USP6: variants seen among roughly 807,000 people sequenced by gnomAD.
USP6 encodes the protein ubiquitin carboxyl-terminal hydrolase 6.
Under a neutral mutation model 175.7 loss-of-function variants are expected in USP6, and 128 were observed. The ratio of observed to expected loss-of-function variants is 0.73; its 90% CI spans 0.63 to 0.84. The LOEUF is 0.84. USP6 is among the 40% of genes least tolerant of loss of function. USP6 has a pLI of 0.00. For missense variants in USP6, 1,498 were observed against 1,760.3 expected (o/e 0.85, Z 2.67); for synonymous variants, 562 against 630.6 (o/e 0.89, Z 1.63).
chr17:5,159,005 T>C (rs989898712), intron 31 of USP6, among the ~76,000 whole-genome samples: 4 of 152,206 alleles, frequency 2.6e-5, no homozygotes, highest in African/African-American at 9.7e-5. Context: ...GTGTAAAGAA[T>C]ACATGGGGTA....
intron 31 of USP6, among the ~76,000 whole-genome samples, chr17:5,158,864 G>A (rs2073950388): frequency 6.6e-6 from 1 of 152,160 alleles, no homozygotes; most frequent in South Asian, 2.1e-4. Context: ...ATTGGAGTGG[G>A]TTAAAGACAG....
rs2073234833 is a variant in USP6 at position 5,135,797 on chromosome 17, G to T, written c.544-11G>T. 6.3e-7 allele frequency: 1 copy of T among 1,597,728 alleles called. No individual in the cohort carries two copies. The highest frequency in any genetic ancestry group is 1.3e-5 in the African/African-American group (1 of 74,986). On this transcript the variant is annotated splice_polypyrimidine_tract_variant and intron_variant, in intron 16 of 37. Coordinates refer to ENST00000574788, the MANE Select transcript of USP6 (RefSeq NM_001304284.2). The stretch of plus-strand genomic sequence containing the variant: ...GGTGATGTCCTTCCATGGTGACTCT[G>T]GCTCTTGCAGGAGGTGGGCTACTGC...
intron 5 of USP6, among the ~76,000 whole-genome samples, 159 bp from the exon 6 acceptor site, chr17:5,125,662 G>GCA (rs111782891): frequency 7.0e-5 from 9 of 129,008 alleles, no homozygotes; most frequent in Admixed American, 1.5e-4. Context: ...ACACAAACAC[G>GCA]CACACACACG....
At chr17:5,123,885 G>A (rs570218538) in intron 4 of USP6, among the ~76,000 whole-genome samples, 5 of 151,032 alleles carry the variant, frequency 3.3e-5, no homozygotes, top group East Asian at 3.9e-4. Context: ...ATGCATGCTC[G>A]CGCGCAAGCA....
chr17:5,123,921 A>G (rs572260174), intron 4 of USP6, among the ~76,000 whole-genome samples: 66 of 99,684 alleles, frequency 6.6e-4, no homozygotes, highest in South Asian at 2.2e-3. Context: ...ACACACACGC[A>G]CACACACACA....
At chr17:5,129,252 C>G (rs1436094005) in intron 8 of USP6, 119 bp downstream of exon 8, 2 of 152,312 alleles carry the variant, frequency 1.3e-5, no homozygotes, top group African/African-American at 4.8e-5. Context: ...CCTGAGACCT[C>G]CCTGCTCTAG....
chr17:5,168,972 C>G lies in USP6; in HGVS notation c.3434C>G (p.Ala1145Gly). The change falls in exon 35 of 38, where the codon GCG (alanine) becomes GGG (glycine). Residue 1145 changes from alanine to glycine, a missense_variant. Physicochemically the swap from Ala to Gly is moderately conservative, Grantham distance 60. This residue lies in a region of USP6 where 1,217 missense variants were observed against 1,500.8 expected (regional missense o/e 0.81). Coordinates refer to ENST00000574788, the MANE Select transcript of USP6 (RefSeq NM_001304284.2). ...GCAAGAGAGGTGAAGAAAGTGGATG[C>G]GCAGAGTTCGGCTGGAAAAGAGGAC... The part of the protein sequence containing the change: ...ILAREVKKVD[A>G]QSSAGKEDML... The G allele has an allele frequency of 6.2e-7, 1 of 1,613,936 alleles. No homozygotes were observed. The highest frequency in any genetic ancestry group is 8.5e-7 in the Non-Finnish European group (1 of 1,179,860).
At chr17:5,172,622 C>T (rs1375759832) in intron 37 of USP6, among the ~76,000 whole-genome samples, 183 bp from the exon 38 acceptor site, 1 of 152,106 alleles carries the variant, frequency 6.6e-6, no homozygotes, top group Admixed American at 6.5e-5. Flanking sequence ...ATATTTTCCC[C>T]AAAGCAAACA....
At chr17:5,136,798 GGGGACTGGAGTCCCTTGT>G in intron 18 of USP6, 64 bp downstream of exon 18, 1 of 1,587,644 alleles carries the variant, frequency 6.3e-7, no homozygotes, top group East Asian at 2.2e-5. Flanking sequence ...GTAGGAGCAG[GGGGACTGGAGTCCCTTGT>G]GGGACTGGTG....
intron 25 of USP6, among the ~76,000 whole-genome samples, chr17:5,143,752 A>G (rs958430816): frequency 7.3e-6 from 1 of 136,280 alleles, no homozygotes; most frequent in Non-Finnish European, 1.6e-5. Flanking sequence ...AATGATCAAT[A>G]AAAAAAAAAA....
At chr17:5,157,590 G>A (rs1366403835) in intron 31 of USP6, among the ~76,000 whole-genome samples, 1 of 152,136 alleles carries the variant, frequency 6.6e-6, no homozygotes, top group African/African-American at 2.4e-5. Flanking sequence ...TAATGAATTG[G>A]ATGTGGAGTA....
rs768563976 is a variant in USP6, at chr17:5,155,445, G to T, written c.2667G>T (p.Leu889=). The T allele has an allele frequency of 2.5e-6, 4 of 1,613,902 alleles. No individual in the cohort carries two copies. In the African/African-American group the frequency reaches 5.3e-5, roughly 22 times the overall value. The change falls in exon 31 of 38, where the codon CTG becomes CTT. Residue 889 remains leucine (L), a synonymous_variant. Coordinates refer to ENST00000574788, the MANE Select transcript of USP6 (RefSeq NM_001304284.2). ...RKMMRTELYF[L]SPQENRPSLF... is the part of the protein sequence containing the mutation. Reference sequence around the variant, plus strand: ...AGATGAGGACAGAACTGTATTTCCTGTCACCTCAGGAGAATCGCCCCAGCC... The same window carrying T: ...AGATGAGGACAGAACTGTATTTCCTTTCACCTCAGGAGAATCGCCCCAGCC...
At chr17:5,142,309 A>G in intron 24 of USP6, 88 bp from the exon 25 acceptor site, 1 of 1,548,494 alleles carries the variant, frequency 6.5e-7, no homozygotes, top group Non-Finnish European at 8.7e-7. Flanking sequence ...AAGAAAAGAT[A>G]TTTTGATGTG....
intron 2 of USP6, 121 bp from the exon 3 acceptor site, chr17:5,120,502 CCTAT>C (rs368349871): frequency 6.1e-5 from 20 of 327,110 alleles, no homozygotes; most frequent in African/African-American, 3.7e-4. Context: ...GAGCTGTTGG[CCTAT>C]CTGTGTCTGT....
chr17:5,123,584 C>T (rs752737843), intron 4 of USP6, among the ~76,000 whole-genome samples: 1 of 152,134 alleles, frequency 6.6e-6, no homozygotes, highest in Non-Finnish European at 1.5e-5. Flanking sequence ...CGGGGGGGCA[C>T]GCCGGCCTGG....
rs2074277144 is a variant in USP6, at chr17:5,173,993, A to G, written c.*1015A>G. On this transcript the variant is annotated 3_prime_UTR_variant, in exon 38 of 38. Transcript: ENST00000574788. Reference sequence around the variant, plus strand: ...TGTATTTGATGGCTCTAAGGGCTATAAATTACAAACAAAACACATCCCAGA... The same window carrying G: ...TGTATTTGATGGCTCTAAGGGCTATGAATTACAAACAAAACACATCCCAGA... The G allele has an allele frequency of 4.6e-6, 1 of 216,048 alleles. No homozygotes were observed. Among genetic ancestry groups the G allele is most frequent in the Non-Finnish European group, 9.4e-6 (1 of 106,788 alleles). 13.4% of individuals were successfully genotyped at this position (216,048 alleles called of 1,614,324 possible). A position where few individuals can be genotyped will look rare whatever the true frequency, so the allele number is the denominator to read the frequency against.
At chr17:5,118,820 G>A (rs562237027) in intron 2 of USP6, among the ~76,000 whole-genome samples, 41 of 152,296 alleles carry the variant, frequency 2.7e-4, no homozygotes, top group Non-Finnish European at 4.9e-4. Flanking sequence ...ATTTCTTCCC[G>A]AAAGTCTGGC....
At chr17:5,135,060 C>G (rs1027595732) in intron 15 of USP6, 174 bp from the exon 16 acceptor site, 4 of 714,386 alleles carry the variant, frequency 5.6e-6, no homozygotes, top group African/African-American at 5.2e-5. Context: ...ATTTGCATGT[C>G]ACAGATGTGG....
chr17:5,139,725 G>T (rs746664118), intron 22 of USP6, 51 bp downstream of exon 22: 1 of 1,598,468 alleles, frequency 6.3e-7, no homozygotes, highest in South Asian at 1.1e-5. Flanking sequence ...TGGACTTCCC[G>T]GCCCTGCAGT....
Sources: allele counts gnomAD v4.1 joint callset (sites outside exome capture counted in the v4.1 genomes callset), GRCh38; gene constraint gnomAD v4.1.1; regional missense constraint gnomAD v4.1.1; transcripts MANE v1.5; gene names NCBI Gene and HGNC (gene_info 2026-07-23, HGNC 2026-07-21).